The following SLC35F3 variants were observed in gnomAD, a reference collection of about 807,000 sequenced individuals.
The protein encoded by SLC35F3 is solute carrier family 35 member F3, also known as putative thiamine transporter SLC35F3.
Under a neutral mutation model 49.9 loss-of-function variants are expected in SLC35F3, and 25 were observed. That is an observed-to-expected ratio of 0.50 (90% CI 0.37 to 0.70). SLC35F3 has a LOEUF of 0.70. SLC35F3 is among the 30% of genes least tolerant of loss of function. The probability of loss-of-function intolerance (pLI) is 0.00; values close to 1 mark genes in which losing one functional copy is unlikely to be tolerated. For missense variants in SLC35F3, 525 were observed against 639.8 expected, an observed-to-expected ratio of 0.82 and a Z score of 1.94; for synonymous variants, 275 against 265.4, an observed-to-expected ratio of 1.04 and a Z score of -0.35.
At chr1:234,060,622 G>A (rs2102862457) in intron 2 of SLC35F3, among the ~76,000 whole-genome samples, 1 of 151,950 alleles carries the variant, frequency 6.6e-6, no homozygotes, top group South Asian at 2.1e-4. Context: ...AATTTTTTAT[G>A]TTTATTTTTG....
At chr1:234,192,326 TA>T in intron 2 of SLC35F3, among the ~76,000 whole-genome samples, 1 of 152,108 alleles carries the variant, frequency 6.6e-6, no homozygotes. Context: ...TAATACCACA[TA>T]AAGAGAATTA....
chr1:234,009,142 A>G (rs1225429928), intron 2 of SLC35F3, among the ~76,000 whole-genome samples: 1 of 152,244 alleles, frequency 6.6e-6, no homozygotes, highest in East Asian at 1.9e-4. Context: ...ATCTATCGAA[A>G]AAAAGCAGAC....
At chr1:233,919,908 C>A (rs997581704) in intron 2 of SLC35F3, among the ~76,000 whole-genome samples, 1 of 152,116 alleles carries the variant, frequency 6.6e-6, no homozygotes, top group African/African-American at 2.4e-5. Flanking sequence ...ACAGGCTTCT[C>A]AATCTCCTTC....
intron 3 of SLC35F3, among the ~76,000 whole-genome samples, chr1:234,254,525 A>G (rs1273309959): frequency 6.6e-6 from 1 of 152,236 alleles, no homozygotes; most frequent in Non-Finnish European, 1.5e-5. Context: ...GGTAAAATCT[A>G]AGAAAGGAGA....
chr1:234,257,288 A>G (rs961549639), intron 3 of SLC35F3, among the ~76,000 whole-genome samples: 3 of 152,212 alleles, frequency 2.0e-5, no homozygotes, highest in East Asian at 3.8e-4. Flanking sequence ...TATTCAAGTC[A>G]TTCTCTTTTA....
chr1:234,293,607 G>A (rs1371338588), intron 3 of SLC35F3, among the ~76,000 whole-genome samples: 1 of 152,034 alleles, frequency 6.6e-6, no homozygotes, highest in Admixed American at 6.5e-5. Context: ...AGTCTATGCT[G>A]TTGGTCTGGA....
Position 234,081,496 on chromosome 1 carries a change from G to A in SLC35F3, c.284-149921G>A, listed in dbSNP as rs193122182. Among the ~76,000 whole-genome samples, 286 of 152,246 alleles carry A rather than the reference G, an allele frequency of 1.9e-3. 1 individual carries two copies. The Middle Eastern group carries it at 0.027, about 14-fold the overall frequency. On this transcript the variant is annotated intron_variant, in intron 2 of 7. Coordinates refer to ENST00000366618, the MANE Select transcript of SLC35F3 (RefSeq NM_173508.4). The stretch of plus-strand genomic sequence containing the variant: ...TGGGGGAGGGGCTACGGGAGGCAGG[G>A]GATTGAGTGGGCAGCAGTGGGTCAC...
intron 2 of SLC35F3, among the ~76,000 whole-genome samples, chr1:234,092,004 G>A (rs1665050009): frequency 6.6e-6 from 1 of 152,164 alleles, no homozygotes; most frequent in South Asian, 2.1e-4. Flanking sequence ...AAGCACAGCT[G>A]TTACTACATG....
intron 2 of SLC35F3, among the ~76,000 whole-genome samples, chr1:234,135,779 G>A (rs1396440091): frequency 6.6e-6 from 1 of 152,236 alleles, no homozygotes; most frequent in Admixed American, 6.5e-5. Flanking sequence ...GAAAGCAGGT[G>A]TTCAGCATAA....
chr1:234,171,632 C>CA (rs1342655661), intron 2 of SLC35F3, among the ~76,000 whole-genome samples: 1 of 152,166 alleles, frequency 6.6e-6, no homozygotes, highest in African/African-American at 2.4e-5. Flanking sequence ...GAGTTGGGGA[C>CA]ACTGTGGTTC....
intron 2 of SLC35F3, among the ~76,000 whole-genome samples, chr1:234,049,444 A>C (rs1313738931): frequency 6.6e-6 from 1 of 152,142 alleles, no homozygotes; most frequent in East Asian, 1.9e-4. Flanking sequence ...ACACAACAAG[A>C]AGCCAGCCAT....
intron 2 of SLC35F3, among the ~76,000 whole-genome samples, chr1:233,994,682 T>C (rs1663429908): frequency 6.6e-6 from 1 of 152,216 alleles, no homozygotes; most frequent in Non-Finnish European, 1.5e-5. Context: ...TTTCCTGGTA[T>C]AAAAGTATTT....
chr1:234,260,090 C>A (rs1352219355), intron 3 of SLC35F3, among the ~76,000 whole-genome samples: 2 of 152,214 alleles, frequency 1.3e-5, no homozygotes, highest in Non-Finnish European at 2.9e-5. Context: ...GTTTTTAAAT[C>A]TTTTGAAGCT....
At chr1:234,050,164 A>G (rs557932550) in intron 2 of SLC35F3, among the ~76,000 whole-genome samples, 35 of 152,250 alleles carry the variant, frequency 2.3e-4, no homozygotes, top group African/African-American at 6.7e-4. Context: ...GTAATGGGAT[A>G]GCTGGGTCAA....
intron 2 of SLC35F3, among the ~76,000 whole-genome samples, chr1:234,121,619 T>C (rs944705179): frequency 2.0e-5 from 3 of 152,018 alleles, no homozygotes; most frequent in African/African-American, 7.2e-5. Flanking sequence ...AACATGCAGG[T>C]TTGTTACATA....
chr1:234,081,752 C>G (rs1193668498), intron 2 of SLC35F3, among the ~76,000 whole-genome samples: 1 of 147,494 alleles, frequency 6.8e-6, no homozygotes, highest in African/African-American at 2.5e-5. Context: ...TTTTTTTTTT[C>G]TTTGACACAG....
chr1:233,928,010 C>T (rs1358274362), intron 2 of SLC35F3, among the ~76,000 whole-genome samples: 20 of 152,016 alleles, frequency 1.3e-4, no homozygotes, highest in Admixed American at 1.2e-3. Context: ...AAACATGATA[C>T]ATTTTTTTTC....
intron 2 of SLC35F3, among the ~76,000 whole-genome samples, chr1:233,924,225 G>A (rs1662118148): frequency 6.6e-6 from 1 of 152,188 alleles, no homozygotes; most frequent in Non-Finnish European, 1.5e-5. Context: ...AATGGTAACA[G>A]CTCCTCTTTG....
chr1:234,116,428 A>G (rs991425627), intron 2 of SLC35F3, among the ~76,000 whole-genome samples: 1 of 152,110 alleles, frequency 6.6e-6, no homozygotes, highest in Admixed American at 6.6e-5. Flanking sequence ...TGTTATTATC[A>G]TTATTTATTT....
Sources: gnomAD v4.1 joint callset for allele counts (sites outside exome capture counted in the v4.1 genomes callset) on GRCh38, gnomAD v4.1.1 for gene constraint, MANE v1.5 for transcripts, NCBI Gene and HGNC (gene_info 2026-07-23, HGNC 2026-07-21) for gene names.